The following GALNTL6 variants were observed in gnomAD, a reference collection of about 807,000 sequenced individuals.
The protein encoded by GALNTL6 is polypeptide N-acetylgalactosaminyltransferase like 6.
In GALNTL6, 46 loss-of-function variants were observed where a neutral mutation model predicts 73.7. That is an observed-to-expected ratio of 0.62 (90% CI 0.49 to 0.80). GALNTL6 has a LOEUF of 0.80. Among genes scored for constraint, GALNTL6 ranks in the 30% least tolerant of loss-of-function variants. The pLI is 0.00. For synonymous variants in GALNTL6, 259 were observed against 263.7 expected, an observed-to-expected ratio of 0.98 and a Z score of 0.17; for missense variants, 604 against 755.0, an observed-to-expected ratio of 0.80 and a Z score of 2.34.
chr4:171,822,637 A>G (rs977806239), intron 2 of GALNTL6, among the ~76,000 whole-genome samples: 7 of 152,200 alleles, frequency 4.6e-5, no homozygotes, highest in Admixed American at 2.0e-4. Context: ...ATATAATAAA[A>G]TACATAAAAT....
At chr4:172,928,038 A>G (rs1408007302) in intron 8 of GALNTL6, among the ~76,000 whole-genome samples, 1 of 152,224 alleles carries the variant, frequency 6.6e-6, no homozygotes, top group East Asian at 1.9e-4. Context: ...ACTGAAAGTT[A>G]GTGTTTGAAA....
At chr4:171,836,616 A>G (rs1735102337) in intron 2 of GALNTL6, among the ~76,000 whole-genome samples, 1 of 152,060 alleles carries the variant, frequency 6.6e-6, no homozygotes. Flanking sequence ...TAATTCCCTG[A>G]AATGTTTTCA....
chr4:172,933,808 C>A (rs1337331598), intron 9 of GALNTL6, among the ~76,000 whole-genome samples: 1 of 152,180 alleles, frequency 6.6e-6, no homozygotes, highest in African/African-American at 2.4e-5. Context: ...ATATTTTAAT[C>A]TTGCAGCCTC....
At chr4:172,612,690 T>G (rs1560835880) in intron 5 of GALNTL6, among the ~76,000 whole-genome samples, 1 of 152,044 alleles carries the variant, frequency 6.6e-6, no homozygotes, top group South Asian at 2.1e-4. Flanking sequence ...AATGTAAAAA[T>G]TCTCCTAAAA....
intron 2 of GALNTL6, among the ~76,000 whole-genome samples, chr4:171,879,507 T>C (rs1200495971): frequency 2.0e-5 from 3 of 152,146 alleles, no homozygotes; most frequent in African/African-American, 7.2e-5. Flanking sequence ...CTGTAATATA[T>C]CGATCACAAT....
At chr4:172,904,826 A>C (rs1243249535) in intron 8 of GALNTL6, among the ~76,000 whole-genome samples, 1 of 152,150 alleles carries the variant, frequency 6.6e-6, no homozygotes, top group African/African-American at 2.4e-5. Flanking sequence ...CACAAAAAAC[A>C]ATGTTCCTGG....
intron 5 of GALNTL6, among the ~76,000 whole-genome samples, chr4:172,591,490 C>T (rs1737634639): frequency 1.3e-5 from 2 of 152,216 alleles, no homozygotes; most frequent in South Asian, 4.1e-4. Context: ...AAAACCTAAC[C>T]ATCTTTGTTT....
intron 3 of GALNTL6, among the ~76,000 whole-genome samples, chr4:172,263,304 TG>T (rs1200847561): frequency 2.6e-5 from 4 of 151,422 alleles, no homozygotes; most frequent in Non-Finnish European, 5.9e-5. Flanking sequence ...TTGGATGGTT[TG>T]TTTACTTTTT....
chr4:171,925,111 G>A (rs537370682), intron 2 of GALNTL6, among the ~76,000 whole-genome samples: 1 of 152,252 alleles, frequency 6.6e-6, no homozygotes, highest in African/African-American at 2.4e-5. Flanking sequence ...TGGAGCAAAT[G>A]TATTGATGCA....
At chr4:171,863,214 A>G (rs1735880447) in intron 2 of GALNTL6, among the ~76,000 whole-genome samples, 1 of 152,196 alleles carries the variant, frequency 6.6e-6, no homozygotes, top group Non-Finnish European at 1.5e-5. Context: ...AAAAATGGTG[A>G]TAAATATGGA....
intron 9 of GALNTL6, among the ~76,000 whole-genome samples, chr4:172,947,871 C>G (rs991226914): frequency 1.3e-5 from 2 of 152,144 alleles, no homozygotes; most frequent in African/African-American, 4.8e-5. Context: ...TTTCCTATTT[C>G]CTGGAGTGGG....
intron 4 of GALNTL6, among the ~76,000 whole-genome samples, chr4:172,342,026 A>G (rs1301521346): frequency 6.6e-6 from 1 of 152,146 alleles, no homozygotes; most frequent in South Asian, 2.1e-4. Flanking sequence ...TGCATAGTGG[A>G]CACTATTTCT....
Position 172,397,391 on chromosome 4 carries a change from T to C in GALNTL6, c.553+48702T>C, listed in dbSNP as rs537101578. 4.6e-5 allele frequency among the ~76,000 whole-genome samples: 7 copies of C among 152,250 alleles called. No individual in the cohort carries two copies. The South Asian group carries it at 1.4e-3, about 32-fold the overall frequency. On this transcript the variant is annotated intron_variant, in intron 5 of 12. Coordinates refer to ENST00000506823, the MANE Select transcript of GALNTL6 (RefSeq NM_001034845.3). ...TTGCCTAACAGTTGTAATGTTAGCG[T>C]GCATAATCATTGAAACACTGGGAGC...
intron 5 of GALNTL6, among the ~76,000 whole-genome samples, chr4:172,726,379 T>C (rs1735808107): frequency 6.6e-6 from 1 of 152,128 alleles, no homozygotes; most frequent in South Asian, 2.1e-4. Flanking sequence ...CTTAAGCCAA[T>C]ATAAGTAAGC....
chr4:172,915,605 G>T (rs1402939647), intron 8 of GALNTL6, among the ~76,000 whole-genome samples: 2 of 152,130 alleles, frequency 1.3e-5, no homozygotes, highest in African/African-American at 2.4e-5. Context: ...TACCATCAGA[G>T]AATACTATAA....
chr4:172,051,292 G>A (rs573940457), intron 2 of GALNTL6, among the ~76,000 whole-genome samples: 36 of 152,258 alleles, frequency 2.4e-4, no homozygotes, highest in African/African-American at 7.7e-4. Context: ...CCAAGTGGGC[G>A]TGTATTACAG....
At chr4:172,294,980 A>G (rs975576141) in intron 3 of GALNTL6, among the ~76,000 whole-genome samples, 1 of 152,234 alleles carries the variant, frequency 6.6e-6, no homozygotes, top group African/African-American at 2.4e-5. Flanking sequence ...ATGTGTACAT[A>G]TAGATTTATG....
chr4:172,090,927 C>T (rs913298817), intron 2 of GALNTL6, among the ~76,000 whole-genome samples: 3 of 152,040 alleles, frequency 2.0e-5, no homozygotes, highest in Non-Finnish European at 2.9e-5. Context: ...AGCCAGTTTT[C>T]CCCAACACCA....
chr4:172,845,005 A>T (rs1743413602), intron 7 of GALNTL6, among the ~76,000 whole-genome samples: 1 of 152,058 alleles, frequency 6.6e-6, no homozygotes, highest in African/African-American at 2.4e-5. Context: ...CATGAGGTCA[A>T]GAGATAGAGA....
Sources: allele counts gnomAD v4.1 joint callset (sites outside exome capture counted in the v4.1 genomes callset), GRCh38; gene constraint gnomAD v4.1.1; transcripts MANE v1.5; gene names NCBI Gene and HGNC (gene_info 2026-07-23, HGNC 2026-07-21).